The following IL20RB variants were observed in gnomAD, a reference collection of about 807,000 sequenced individuals.
IL20RB encodes the protein interleukin-20 receptor subunit beta.
A neutral mutation model predicts 33.3 loss-of-function variants in IL20RB; 21 were observed. That is an observed-to-expected ratio of 0.63 (90% CI 0.45 to 0.91). The LOEUF (loss-of-function observed/expected upper bound fraction) is 0.91. Ranked by LOEUF, IL20RB falls within the 40% of genes least tolerant of loss-of-function variation. IL20RB has a pLI of 0.00. For synonymous variants in IL20RB, 147 were observed against 146.8 expected (o/e 1.00, Z -0.01); for missense variants, 345 against 384.8 (o/e 0.90, Z 0.86).
intron 1 of IL20RB, among the ~76,000 whole-genome samples, chr3:136,979,516 A>G (rs1164266872): frequency 1.3e-5 from 2 of 152,208 alleles, no homozygotes; most frequent in Non-Finnish European, 2.9e-5. Flanking sequence ...TTCAGACTGT[A>G]CCTTTGGGTG....
At chr3:136,969,774 C>G (rs1284455147) in intron 1 of IL20RB, among the ~76,000 whole-genome samples, 1 of 152,118 alleles carries the variant, frequency 6.6e-6, no homozygotes, top group Non-Finnish European at 1.5e-5. Context: ...TAGTGGTTTG[C>G]TGTTTTTTTT....
At chr3:136,969,511 C>A (rs1399600001) in intron 1 of IL20RB, 2 of 142,240 alleles carry the variant, frequency 1.4e-5, no homozygotes, top group Non-Finnish European at 3.1e-5. Context: ...ACTCCCTGAC[C>A]CCTTGCGCTT....
intron 1 of IL20RB, among the ~76,000 whole-genome samples, chr3:136,970,323 G>A (rs1941440539): frequency 2.6e-5 from 4 of 152,004 alleles, no homozygotes; most frequent in Admixed American, 2.6e-4. Flanking sequence ...TCGAACTCCT[G>A]AGCTCAAGTG....
At chr3:137,006,775 C>A (rs1362384008) in intron 6 of IL20RB, among the ~76,000 whole-genome samples, 1 of 152,240 alleles carries the variant, frequency 6.6e-6, no homozygotes, top group Admixed American at 6.5e-5. Flanking sequence ...CTTCTGTCAA[C>A]TCGTCAAAGT....
chr3:136,999,881 T>A (rs1371726110), intron 6 of IL20RB, among the ~76,000 whole-genome samples: 1 of 152,210 alleles, frequency 6.6e-6, no homozygotes, highest in Non-Finnish European at 1.5e-5. Context: ...TTCTATTTGG[T>A]CATTTATTAT....
In IL20RB at chr3:137,010,447, C is replaced by T. The variant is rs756537256; in HGVS notation, c.*224C>T. ...GTGACCTCTAGACTGGGGGCTGCCA[C>T]TTGCTGGCTGAGCAACCCTGGGAAA... On this transcript the variant is annotated 3_prime_UTR_variant, in exon 7 of 7. Coordinates refer to ENST00000329582, the MANE Select transcript of IL20RB (RefSeq NM_144717.4). 50 of 461,498 alleles carry T rather than the reference C, an allele frequency of 1.1e-4. No individual in the cohort carries two copies. Among genetic ancestry groups the T allele is most frequent in the Admixed American group, 2.2e-4 (6 of 27,170 alleles). The allele number at this position is 461,498 out of a possible 1,614,324, so 28.6% of individuals were successfully genotyped here.
In IL20RB at chr3:136,958,039, A is replaced by G. The variant is rs950866923; in HGVS notation, c.-75A>G. 2.2e-6 allele frequency: 2 copies of G among 922,462 alleles called. No individual in the cohort carries two copies. Among genetic ancestry groups the G allele is most frequent in the South Asian group, 2.8e-5 (2 of 71,436 alleles). The allele number at this position is 922,462 out of a possible 1,614,324, so 57.1% of individuals were successfully genotyped here. On this transcript the variant is annotated 5_prime_UTR_variant, in exon 1 of 7. Coordinates refer to ENST00000329582, the MANE Select transcript of IL20RB (RefSeq NM_144717.4). ...CTCAGCTCCAACATATGCATTCTGA[A>G]GAAAGATGGCTGAGATGGACAGAAT...
At chr3:137,007,741 C>A (rs1932943723) in intron 6 of IL20RB, among the ~76,000 whole-genome samples, 1 of 152,224 alleles carries the variant, frequency 6.6e-6, no homozygotes. Context: ...CCTTGTGCTT[C>A]CCGGGTAAGG....
chr3:136,979,606 T>G (rs1941717931), intron 1 of IL20RB, among the ~76,000 whole-genome samples: 1 of 151,814 alleles, frequency 6.6e-6, no homozygotes, highest in African/African-American at 2.4e-5. Context: ...CCTCTTTCAT[T>G]CTCTACAAAT....
chr3:136,997,636 T>C (rs1386002533), intron 6 of IL20RB, among the ~76,000 whole-genome samples: 2 of 152,028 alleles, frequency 1.3e-5, no homozygotes, highest in Non-Finnish European at 2.9e-5. Flanking sequence ...TACATATTTT[T>C]ACTTTAAATC....
intron 1 of IL20RB, among the ~76,000 whole-genome samples, chr3:136,967,090 A>C (rs1941371584): frequency 1.3e-5 from 1 of 79,568 alleles, no homozygotes; most frequent in Non-Finnish European, 2.3e-5. Flanking sequence ...GTTCTTTTAC[A>C]TTTGCTGAGG....
intron 1 of IL20RB, among the ~76,000 whole-genome samples, chr3:136,962,014 T>C (rs191540410): frequency 3.3e-4 from 51 of 152,254 alleles, no homozygotes; most frequent in African/African-American, 1.2e-3. Context: ...TAAATTAAAA[T>C]ATCCATGAGT....
At chr3:136,961,429 C>G (rs1438843884) in intron 1 of IL20RB, among the ~76,000 whole-genome samples, 1 of 151,602 alleles carries the variant, frequency 6.6e-6, no homozygotes, top group African/African-American at 2.4e-5. Context: ...TCCGTGACTT[C>G]ACAGCTAGAG....
At chr3:137,002,091 A>G (rs555677039) in intron 6 of IL20RB, among the ~76,000 whole-genome samples, 1 of 152,294 alleles carries the variant, frequency 6.6e-6, no homozygotes, top group East Asian at 1.9e-4. Context: ...ATGTCCCTGC[A>G]AAGGACATGA....
At chr3:136,971,224 A>T (rs1296921930) in intron 1 of IL20RB, among the ~76,000 whole-genome samples, 2 of 151,894 alleles carry the variant, frequency 1.3e-5, no homozygotes, top group Non-Finnish European at 2.9e-5. Flanking sequence ...TCTGCCTCCC[A>T]GGTTCAGGTG....
intron 6 of IL20RB, among the ~76,000 whole-genome samples, chr3:136,997,528 G>C (rs901548091): frequency 2.7e-5 from 4 of 146,888 alleles, no homozygotes; most frequent in Non-Finnish European, 6.0e-5. Context: ...ATTATGATAT[G>C]TTCTTCTTTA....
intron 2 of IL20RB, among the ~76,000 whole-genome samples, chr3:136,980,966 G>A (rs999197177): frequency 2.0e-5 from 3 of 152,176 alleles, no homozygotes; most frequent in East Asian, 1.9e-4. Flanking sequence ...GAGCCAAAAC[G>A]AACTATAATC....
At chr3:136,972,279 T>G (rs1941505202) in intron 1 of IL20RB, among the ~76,000 whole-genome samples, 1 of 152,242 alleles carries the variant, frequency 6.6e-6, no homozygotes, top group South Asian at 2.1e-4. Context: ...TTCAACGGAT[T>G]GTCTCTTCAC....
Position 136,980,485 on chromosome 3 carries a change from T to C in IL20RB, c.108T>C (p.Pro36=), listed in dbSNP as rs752874033. 6.7e-5 allele frequency: 108 copies of C among 1,614,102 alleles called. No individual in the cohort carries two copies. Among genetic ancestry groups the C allele is most frequent in the Non-Finnish European group, 7.7e-5 (91 of 1,180,050 alleles). The part of the protein sequence containing the change: ...CLLTDEVAIL[P]APQNLSVLST... ...TCCTAGATGAAGTGGCCATTCTGCC[T>C]GCCCCTCAGAACCTCTCTGTACTCT... is the stretch of plus-strand genomic sequence containing the variant. The change falls in exon 2 of 7, where the codon CCT becomes CCC. Residue 36 remains proline, a synonymous_variant. Transcript: ENST00000329582.
Sources: allele counts gnomAD v4.1 joint callset (sites outside exome capture counted in the v4.1 genomes callset), GRCh38; gene constraint gnomAD v4.1.1; transcripts MANE v1.5; gene names NCBI Gene and HGNC (gene_info 2026-07-23, HGNC 2026-07-21).